Variants in BCL2 observed in about 807,000 individuals in gnomAD.
BCL2 encodes apoptosis regulator Bcl-2.
BCL2 carries 1 observed loss-of-function variant against 14.2 expected under a neutral mutation model. The ratio of observed to expected loss-of-function variants is 0.07; its 90% CI spans 0.02 to 0.33. BCL2 has a LOEUF of 0.33. BCL2 is among the 10% of genes least tolerant of loss of function. The pLI is 0.99. For missense variants in BCL2, 247 were observed against 305.9 expected, an observed-to-expected ratio of 0.81 and a Z score of 1.44; for synonymous variants, 151 against 137.2, an observed-to-expected ratio of 1.10 and a Z score of -0.70.
chr18:63,169,361 CTTTCTTTCTCTT>C lies in BCL2; in HGVS notation c.586-40614_586-40603del, dbSNP rs781708073. ...CCTTTCTTTCTTTCTTTCTTTCTTTCTTTCTTTCTCTTTCTTTCTTTCTTTCTTTTTCTTTCT... is the reference window on the plus strand; with the variant it reads ...CCTTTCTTTCTTTCTTTCTTTCTTTCTCTTTCTTTCTTTCTTTTTCTTTCT... On this transcript the variant is annotated intron_variant, in intron 2 of 2. Transcript: ENST00000333681. Among the ~76,000 whole-genome samples the C allele has an allele frequency of 2.1e-3, 125 of 60,558 alleles. 15 individuals are homozygous for C. The highest frequency in any genetic ancestry group is 7.9e-3 in the Middle Eastern group (1 of 126). 39.7% of individuals were successfully genotyped at this position (60,558 alleles called of 152,430 possible). A position where few individuals can be genotyped will look rare whatever the true frequency, so the allele number is the denominator to read the frequency against.
intron 2 of BCL2, among the ~76,000 whole-genome samples, chr18:63,200,531 T>C (rs956892176): frequency 1.3e-5 from 2 of 152,208 alleles, no homozygotes; most frequent in African/African-American, 4.8e-5. Context: ...CTGGCAAAAG[T>C]TTCTCCCTAC....
chr18:63,162,976 T>G (rs1164091206), intron 2 of BCL2, among the ~76,000 whole-genome samples: 1 of 152,154 alleles, frequency 6.6e-6, no homozygotes, highest in African/African-American at 2.4e-5. Context: ...TGCCTCAACC[T>G]CCTGAGTAGC....
At chr18:63,270,825 A>ATTT (rs71162617) in intron 2 of BCL2, among the ~76,000 whole-genome samples, 1,495 of 148,650 alleles carry the variant, frequency 0.01, 12 homozygotes, top group Middle Eastern at 0.021. Flanking sequence ...AACTTGAAGA[A>ATTT]TTTTTTTTTT....
chr18:63,177,223 T>TA (rs1344792356), intron 2 of BCL2, among the ~76,000 whole-genome samples: 8 of 151,508 alleles, frequency 5.3e-5, no homozygotes, highest in Admixed American at 2.6e-4. Context: ...AAAAATAAAT[T>TA]AAAAAAAAAG....
At chr18:63,302,865 T>C (rs895369931) in intron 2 of BCL2, 27 of 985,316 alleles carry the variant, frequency 2.7e-5, no homozygotes, top group African/African-American at 3.5e-5. Context: ...AATGTTATTA[T>C]GGAAACACTG....
intron 2 of BCL2, among the ~76,000 whole-genome samples, chr18:63,237,877 T>TA (rs1910885061): frequency 6.6e-6 from 1 of 152,128 alleles, no homozygotes; most frequent in Non-Finnish European, 1.5e-5. Flanking sequence ...TAGTTTTTTT[T>TA]AAAAGAACCC....
chr18:63,272,623 A>G (rs1912035623), intron 2 of BCL2, among the ~76,000 whole-genome samples: 1 of 152,222 alleles, frequency 6.6e-6, no homozygotes, highest in African/African-American at 2.4e-5. Flanking sequence ...CAACAACAAC[A>G]TTTAAGGCTG....
intron 2 of BCL2, among the ~76,000 whole-genome samples, chr18:63,237,846 A>G (rs1179248100): frequency 6.6e-6 from 1 of 152,168 alleles, no homozygotes; most frequent in Non-Finnish European, 1.5e-5. Context: ...TGAAAATATG[A>G]TCTTGGTAAT....
At chr18:63,144,583 G>A (rs142095836) in intron 2 of BCL2, among the ~76,000 whole-genome samples, 3 of 152,206 alleles carry the variant, frequency 2.0e-5, no homozygotes, top group African/African-American at 7.2e-5. Flanking sequence ...AAGTCCCGAG[G>A]AGTGACAGGG....
At chr18:63,185,025 T>C (rs11661511) in intron 2 of BCL2, among the ~76,000 whole-genome samples, 89,036 of 152,010 alleles carry the variant, frequency 0.59, 28,129 homozygotes, top group Non-Finnish European at 0.72. Flanking sequence ...CTAAATCCTC[T>C]GGTCCTGTCC....
intron 2 of BCL2, among the ~76,000 whole-genome samples, chr18:63,169,389 T>TTCTTTCTCTTTCTTTC: frequency 2.5e-5 from 1 of 40,768 alleles, no homozygotes; most frequent in African/African-American, 1.1e-4. Context: ...CTTTCTTTCT[T>TTCTTTCTCTTTCTTTC]TTTCTTTCTT....
At chr18:63,215,052 C>T (rs1910160706) in intron 2 of BCL2, among the ~76,000 whole-genome samples, 1 of 152,144 alleles carries the variant, frequency 6.6e-6, no homozygotes, top group Admixed American at 6.5e-5. Flanking sequence ...CAGAACCCAA[C>T]TCTAGAAAGC....
intron 2 of BCL2, among the ~76,000 whole-genome samples, chr18:63,184,449 G>C (rs1915545765): frequency 6.6e-6 from 1 of 152,234 alleles, no homozygotes; most frequent in Non-Finnish European, 1.5e-5. Flanking sequence ...CAGCCCCTAA[G>C]AGATGGATCT....
chr18:63,261,282 T>C (rs1286217964), intron 2 of BCL2, among the ~76,000 whole-genome samples: 1 of 152,108 alleles, frequency 6.6e-6, no homozygotes, highest in African/African-American at 2.4e-5. Context: ...GCTGCTTGGT[T>C]GTGAGTGACA....
At chr18:63,222,164 C>T (rs1269411592) in intron 2 of BCL2, among the ~76,000 whole-genome samples, 2 of 150,972 alleles carry the variant, frequency 1.3e-5, no homozygotes, top group Non-Finnish European at 2.9e-5. Flanking sequence ...GTCTCAGCTA[C>T]TAGGGAGACT....
chr18:63,207,215 C>A (rs962709862), intron 2 of BCL2, among the ~76,000 whole-genome samples: 2 of 152,210 alleles, frequency 1.3e-5, no homozygotes, highest in African/African-American at 4.8e-5. Flanking sequence ...CAGGAGGGAG[C>A]CCAGGATGCC....
At chr18:63,156,596 T>G (rs965241260) in intron 2 of BCL2, among the ~76,000 whole-genome samples, 4 of 152,166 alleles carry the variant, frequency 2.6e-5, no homozygotes, top group African/African-American at 7.2e-5. Flanking sequence ...ATCTGAGCAC[T>G]GCAAGAACGT....
chr18:63,180,439 G>T (rs1260300108), intron 2 of BCL2, among the ~76,000 whole-genome samples: 1 of 152,230 alleles, frequency 6.6e-6, no homozygotes, highest in Non-Finnish European at 1.5e-5. Context: ...CCGATTCCCC[G>T]GCTCTATGGG....
At chr18:63,265,582 C>T (rs1233064665) in intron 2 of BCL2, among the ~76,000 whole-genome samples, 1 of 152,014 alleles carries the variant, frequency 6.6e-6, no homozygotes, top group Non-Finnish European at 1.5e-5. Context: ...GAAGGTCAGT[C>T]TTAACTATGA....
Sources: allele counts gnomAD v4.1 joint callset (sites outside exome capture counted in the v4.1 genomes callset), GRCh38; gene constraint gnomAD v4.1.1; transcripts MANE v1.5; gene names NCBI Gene and HGNC (gene_info 2026-07-23, HGNC 2026-07-21).